The following TMEM132D variants were observed in gnomAD, a reference collection of about 807,000 sequenced individuals.
TMEM132D encodes mature OL transmembrane protein.
Under a neutral mutation model 62.3 loss-of-function variants are expected in TMEM132D, and 21 were observed. The observed-to-expected ratio is 0.34, with a 90% CI of 0.24 to 0.49. The LOEUF is 0.49. Ranked by LOEUF, TMEM132D falls within the 20% of genes least tolerant of loss-of-function variation. TMEM132D has a pLI of 0.99. For missense variants in TMEM132D, 1,346 were observed against 1,402.8 expected (o/e 0.96, Z 0.65); for synonymous variants, 621 against 575.6 (o/e 1.08, Z -1.13).
chr12:129,225,199 T>C (rs913065411), intron 4 of TMEM132D, among the ~76,000 whole-genome samples: 3 of 152,180 alleles, frequency 2.0e-5, no homozygotes, highest in South Asian at 2.1e-4. Context: ...ATTTCATACA[T>C]GAAAGGTGGT....
At chr12:129,186,021 G>T (rs756058320) in intron 5 of TMEM132D, among the ~76,000 whole-genome samples, 5 of 152,198 alleles carry the variant, frequency 3.3e-5, no homozygotes, top group Non-Finnish European at 5.9e-5. Context: ...GCACCAGAGA[G>T]TCAGAATGTG....
chr12:129,614,549 A>G (rs1593089490), intron 2 of TMEM132D, among the ~76,000 whole-genome samples: 1 of 152,222 alleles, frequency 6.6e-6, no homozygotes, highest in Non-Finnish European at 1.5e-5. Flanking sequence ...AATCCCAATC[A>G]CTAATATCTC....
At chr12:129,369,665 G>A (rs989040785) in intron 3 of TMEM132D, among the ~76,000 whole-genome samples, 2 of 152,260 alleles carry the variant, frequency 1.3e-5, no homozygotes, top group African/African-American at 2.4e-5. Context: ...GGCTCTGTCT[G>A]CCAGAGGGCT....
At chr12:129,809,361 G>C (rs1872096710) in intron 1 of TMEM132D, among the ~76,000 whole-genome samples, 1 of 151,660 alleles carries the variant, frequency 6.6e-6, no homozygotes, top group Admixed American at 6.6e-5. Flanking sequence ...CTTGGGTCCA[G>C]GTGGAAACCA....
chr12:129,736,078 G>A (rs555733266), intron 1 of TMEM132D, among the ~76,000 whole-genome samples: 24 of 152,070 alleles, frequency 1.6e-4, no homozygotes, highest in South Asian at 4.2e-4. Flanking sequence ...TCCTCATCTC[G>A]CCCATCTCCA....
chr12:129,791,510 G>A (rs1437071195), intron 1 of TMEM132D, among the ~76,000 whole-genome samples: 1 of 152,054 alleles, frequency 6.6e-6, no homozygotes, highest in Non-Finnish European at 1.5e-5. Flanking sequence ...CAACAGAGGT[G>A]GTGAAAAAAT....
chr12:129,434,627 A>G (rs2135718020), intron 3 of TMEM132D, among the ~76,000 whole-genome samples: 1 of 152,140 alleles, frequency 6.6e-6, no homozygotes, highest in Admixed American at 6.6e-5. Context: ...TTAGCCATGT[A>G]AAAAGGAGAC....
At chr12:129,267,915 C>T (rs1371532629) in intron 4 of TMEM132D, among the ~76,000 whole-genome samples, 1 of 152,096 alleles carries the variant, frequency 6.6e-6, no homozygotes, top group African/African-American at 2.4e-5. Context: ...AAGAACCTGA[C>T]AAAAACAAGC....
At chr12:129,156,529 G>A (rs4964847) in intron 5 of TMEM132D, among the ~76,000 whole-genome samples, 80,320 of 151,240 alleles carry the variant, frequency 0.53, 23,378 homozygotes, top group Non-Finnish European at 0.66. Context: ...TAGCTATTCC[G>A]CTCCCAACAT....
chr12:129,854,293 C>T (rs1229282733), intron 1 of TMEM132D, among the ~76,000 whole-genome samples: 5 of 152,256 alleles, frequency 3.3e-5, no homozygotes, highest in Admixed American at 6.5e-5. Context: ...TCACCCCGGC[C>T]TCTGAGGCAG....
chr12:129,789,567 C>G (rs1197474642), intron 1 of TMEM132D, among the ~76,000 whole-genome samples: 4 of 152,176 alleles, frequency 2.6e-5, no homozygotes, highest in African/African-American at 9.7e-5. Context: ...AAGGAACCAA[C>G]AATTTCGATT....
At chr12:129,345,304 T>C (rs1350163460) in intron 3 of TMEM132D, among the ~76,000 whole-genome samples, 1 of 152,198 alleles carries the variant, frequency 6.6e-6, no homozygotes, top group Non-Finnish European at 1.5e-5. Flanking sequence ...GTCTTAACCT[T>C]GTTAGTGGAA....
chr12:129,475,069 AC>A (rs1001559669), intron 3 of TMEM132D, among the ~76,000 whole-genome samples: 1 of 152,258 alleles, frequency 6.6e-6, no homozygotes, highest in African/African-American at 2.4e-5. Context: ...CAGAAAACAC[AC>A]AAGAGGACAA....
intron 3 of TMEM132D, among the ~76,000 whole-genome samples, chr12:129,495,105 C>G (rs1023250500): frequency 8.5e-5 from 13 of 152,150 alleles, no homozygotes; most frequent in Non-Finnish European, 1.8e-4. Flanking sequence ...GAGGTTGGCT[C>G]TGGTCAAATT....
chr12:129,716,021 C>T (rs1372468523), intron 1 of TMEM132D, among the ~76,000 whole-genome samples: 4 of 152,230 alleles, frequency 2.6e-5, no homozygotes, highest in Admixed American at 1.3e-4. Context: ...CAAAAGTCCT[C>T]TGAAAAACTG....
At chr12:129,199,406 C>G (rs1878634598) in intron 5 of TMEM132D, among the ~76,000 whole-genome samples, 1 of 152,108 alleles carries the variant, frequency 6.6e-6, no homozygotes, top group Admixed American at 6.5e-5. Context: ...TCAGCTAACT[C>G]TAATTACTTT....
chr12:129,120,820 C>A (rs558942036), intron 5 of TMEM132D, among the ~76,000 whole-genome samples: 2 of 152,076 alleles, frequency 1.3e-5, no homozygotes, highest in Non-Finnish European at 2.9e-5. Context: ...AATTTACACA[C>A]AGTGCAGTTC....
chr12:129,466,279 CTTTTTTTTTTTTTTTTTTTTTTTTTTTTT>C (rs551019541), intron 3 of TMEM132D, among the ~76,000 whole-genome samples: 53 of 100,390 alleles, frequency 5.3e-4, no homozygotes, highest in African/African-American at 2.0e-3. Context: ...TAGATTTTTC[CTTTTTTTTTTTTTTTTTTTTTTTTTTTTT>C]TTTTTTTTTT....
intron 1 of TMEM132D, among the ~76,000 whole-genome samples, chr12:129,812,765 C>T (rs1293962570): frequency 2.0e-5 from 3 of 151,678 alleles, no homozygotes; most frequent in East Asian, 1.9e-4. Flanking sequence ...TTTCCTGGGC[C>T]GTTTGTGTGA....
Sources: allele counts gnomAD v4.1 joint callset (sites outside exome capture counted in the v4.1 genomes callset), GRCh38; gene constraint gnomAD v4.1.1; transcripts MANE v1.5; gene names NCBI Gene and HGNC (gene_info 2026-07-23, HGNC 2026-07-21).